The following TBCD variants were observed in gnomAD, a reference collection of about 807,000 sequenced individuals.
TBCD encodes tubulin folding cofactor D, also known as tubulin-specific chaperone D.
Under a neutral mutation model 169.3 loss-of-function variants are expected in TBCD, and 105 were observed. That is an observed-to-expected ratio of 0.62 (90% CI 0.53 to 0.73). The LOEUF (loss-of-function observed/expected upper bound fraction) is 0.73, where lower values mean the gene tolerates loss of function less well. TBCD is among the 30% of genes least tolerant of loss of function. The pLI is 0.00. For missense variants in TBCD, 1,444 were observed against 1,600.1 expected (o/e 0.90, Z 1.66); for synonymous variants, 700 against 643.9 (o/e 1.09, Z -1.32).
chr17:82,931,375 C>T (rs966576972), intron 33 of TBCD, among the ~76,000 whole-genome samples: 3 of 152,354 alleles, frequency 2.0e-5, no homozygotes, highest in South Asian at 2.1e-4. Context: ...CCAGTCAGGA[C>T]GGTGGGCTCC....
intron 9 of TBCD, among the ~76,000 whole-genome samples, chr17:82,804,147 C>T (rs1210217748): frequency 7.4e-6 from 1 of 135,556 alleles, no homozygotes; most frequent in Non-Finnish European, 1.6e-5. Context: ...GTGTGCCTGC[C>T]TGTGGGGTGT....
intron 5 of TBCD, among the ~76,000 whole-genome samples, chr17:82,771,827 G>T (rs1392633815): frequency 6.6e-6 from 1 of 152,080 alleles, no homozygotes; most frequent in Non-Finnish European, 1.5e-5. Flanking sequence ...GGGAGGCTGA[G>T]GCAGGAGAAT....
At position 82,941,843 on chromosome 17, in the gene TBCD, G is replaced by A. The variant is rs1045315916; in HGVS notation, c.3564+360G>A. ...TCATCTGCTTCCCATGAGTGGGGCCGGGGCTGGGTGAGAGGCCCCCAGAAG... is the reference window on the plus strand; with the variant it reads ...TCATCTGCTTCCCATGAGTGGGGCCAGGGCTGGGTGAGAGGCCCCCAGAAG... On this transcript the variant is annotated intron_variant, in intron 38 of 38. Transcript: ENST00000355528. The A allele has an allele frequency of 8.4e-5, 25 of 297,646 alleles. No homozygotes were observed. The East Asian group carries it at 1.1e-3, about 13-fold the overall frequency. 18.4% of individuals were successfully genotyped at this position (297,646 alleles called of 1,614,324 possible).
chr17:82,929,493 A>AGTCGACGGT lies in TBCD; in HGVS notation c.2986_2991+3dup. 1 of 1,606,246 alleles carries AGTCGACGGT rather than the reference A, an allele frequency of 6.2e-7. No individual in the cohort carries two copies. ...GTCGTGTCCCTGGGCGGCTTGACGG[A>AGTCGACGGT]GTCGACGGTGAGGAGGCGTCGGGCT... On this transcript the variant is annotated inframe_insertion, in exon 32 of 39. Coordinates refer to ENST00000355528, the MANE Select transcript of TBCD (RefSeq NM_005993.5).
intron 5 of TBCD, 103 bp downstream of exon 5, chr17:82,768,669 A>G: frequency 7.7e-7 from 1 of 1,301,196 alleles, no homozygotes. Flanking sequence ...TATGTATTCA[A>G]CTGCTGTTTT....
At position 82,831,379 on chromosome 17, in the gene TBCD, G is replaced by A; in HGVS notation, c.1318+16445G>A. ...AGGGTTTAACCTGGAAGGACTCGAGGCTGGATAGACCAGGGTGGCTTCTTC... is the reference window on the plus strand; with the variant it reads ...AGGGTTTAACCTGGAAGGACTCGAGACTGGATAGACCAGGGTGGCTTCTTC... On this transcript the variant is annotated intron_variant, in intron 13 of 38. Transcript: ENST00000355528. The surrounding 1 kb of genome is among the most constrained non-coding windows in gnomAD (Gnocchi z 4.6). 6.2e-7 allele frequency: 1 copy of A among 1,614,196 alleles called. No homozygotes were observed. The highest frequency in any genetic ancestry group is 8.5e-7 in the Non-Finnish European group (1 of 1,180,046).
rs977637915 is a variant in TBCD, at chr17:82,929,135, G to A, written c.2716G>A (p.Val906Met). The A allele has an allele frequency of 1.2e-6, 2 of 1,612,368 alleles. No homozygotes were observed. The highest frequency in any genetic ancestry group is 1.7e-6 in the Non-Finnish European group (2 of 1,179,870). ...AHTCERIMCC[V>M]AQQASEKIDR... Reference sequence around the variant, plus strand: ...CAGCTGTGAGCGCATCATGTGCTGTGTGGCCCAGCAGGCCAGTGAGAAGAT... The same window carrying A: ...CAGCTGTGAGCGCATCATGTGCTGTATGGCCCAGCAGGCCAGTGAGAAGAT... The change falls in exon 31 of 39, where the codon GTG becomes ATG. Residue 906 changes from valine (V) to methionine (M), a missense_variant. Val to Met is a conservative substitution (Grantham distance 21). Transcript: ENST00000355528.
In TBCD at chr17:82,781,741, G is replaced by A; in HGVS notation, c.771+20G>A. The A allele has an allele frequency of 1.2e-6, 2 of 1,610,540 alleles. No individual in the cohort carries two copies. Among genetic ancestry groups the A allele is most frequent in the South Asian group, 2.2e-5 (2 of 91,016 alleles). On this transcript the variant is annotated intron_variant, in intron 7 of 38. Transcript: ENST00000355528. Reference sequence around the variant, plus strand: ...GCCCTGGTAAGTGCTGCCCGCAGGGGCTGTGGAGATCGCAGGGAAATGGCG... The same window carrying A: ...GCCCTGGTAAGTGCTGCCCGCAGGGACTGTGGAGATCGCAGGGAAATGGCG...
chr17:82,839,475 C>T (rs928074077), intron 13 of TBCD, among the ~76,000 whole-genome samples: 1 of 151,156 alleles, frequency 6.6e-6, no homozygotes, highest in Non-Finnish European at 1.5e-5. Context: ...TGTACATACA[C>T]CACACATATA....
rs1448966122 is a variant in TBCD at position 82,920,746 on chromosome 17, T to TA, written c.2101+129dup. 1.1e-6 allele frequency: 1 copy of TA among 891,574 alleles called. No homozygotes were observed. Among genetic ancestry groups the TA allele is most frequent in the Admixed American group, 2.7e-5 (1 of 36,728 alleles). 55.2% of individuals were successfully genotyped at this position (891,574 alleles called of 1,614,324 possible). A position where few individuals can be genotyped will look rare whatever the true frequency, so the allele number is the denominator to read the frequency against. ...TTAAAGGTTCAAGATATTAATCGGA[T>TA]ACGTTGCCTTGAAGTTGTTACAAGA... On this transcript the variant is annotated intron_variant, in intron 24 of 38. Coordinates refer to ENST00000355528, the MANE Select transcript of TBCD (RefSeq NM_005993.5). The surrounding 1 kb of genome is among the most constrained non-coding windows in gnomAD (Gnocchi z 4.1).
intron 11 of TBCD, among the ~76,000 whole-genome samples, chr17:82,808,237 C>A (rs1032105360): frequency 1.3e-5 from 2 of 152,130 alleles, no homozygotes; most frequent in African/African-American, 4.8e-5. Context: ...GACAGCGATA[C>A]ACGTGAAGAA....
chr17:82,811,492 C>T (rs1172300313), intron 12 of TBCD, among the ~76,000 whole-genome samples: 2 of 152,144 alleles, frequency 1.3e-5, no homozygotes, highest in South Asian at 2.1e-4. Context: ...GGTTCTGGGA[C>T]GGGGTGGCCT....
chr17:82,909,360 G>A lies in TBCD; in HGVS notation c.2006+53G>A, dbSNP rs181752587. ...TATCTGTGTCCTAATGAAGAACTGC[G>A]CTGTCAGGAGCAGGCGGGGCGGGTG... is the stretch of plus-strand genomic sequence containing the variant. On this transcript the variant is annotated intron_variant, in intron 22 of 38. Coordinates refer to ENST00000355528, the MANE Select transcript of TBCD (RefSeq NM_005993.5). The A allele has an allele frequency of 4.4e-5, 63 of 1,443,948 alleles. No homozygotes were observed. In the African/African-American group the frequency reaches 5.6e-4, roughly 13 times the overall value. The allele number at this position is 1,443,948 out of a possible 1,614,324, so 89.4% of individuals were successfully genotyped here.
At chr17:82,894,272 T>C (rs1224954452) in intron 17 of TBCD, among the ~76,000 whole-genome samples, 1 of 152,214 alleles carries the variant, frequency 6.6e-6, no homozygotes, top group Non-Finnish European at 1.5e-5. Context: ...ACTTCAGTTA[T>C]CTTAGTTGAT....
At chr17:82,911,364 G>A (rs555438400) in intron 22 of TBCD, among the ~76,000 whole-genome samples, 3 of 151,620 alleles carry the variant, frequency 2.0e-5, no homozygotes, top group South Asian at 2.1e-4. Flanking sequence ...AGAGCAGCCC[G>A]GAGCTCCGCC....
At chr17:82,800,513 G>A (rs1300190788) in intron 8 of TBCD, among the ~76,000 whole-genome samples, 1 of 151,586 alleles carries the variant, frequency 6.6e-6, no homozygotes, top group South Asian at 2.1e-4. Context: ...CAGCATGCCC[G>A]TGGCCTGCGT....
chr17:82,813,783 G>A (rs2051644539), intron 12 of TBCD, among the ~76,000 whole-genome samples: 2 of 152,206 alleles, frequency 1.3e-5, no homozygotes, highest in South Asian at 2.1e-4. Context: ...GACAGTACAC[G>A]TCTGGAACTT....
At chr17:82,843,297 C>G (rs2054693991) in intron 13 of TBCD, among the ~76,000 whole-genome samples, 2 of 118,914 alleles carry the variant, frequency 1.7e-5, no homozygotes, top group South Asian at 2.7e-4. Context: ...CCCTGTCCAG[C>G]TTACTTACCC....
intron 17 of TBCD, among the ~76,000 whole-genome samples, chr17:82,897,696 A>C (rs1449582720): frequency 6.6e-6 from 1 of 152,166 alleles, no homozygotes; most frequent in Non-Finnish European, 1.5e-5. Context: ...TCCCTCCAGG[A>C]GGCGCCATCC....
Sources: gnomAD v4.1 joint callset for allele counts (sites outside exome capture counted in the v4.1 genomes callset) on GRCh38, gnomAD v4.1.1 for gene constraint, Gnocchi (gnomAD v3.1) non-coding constraint, MANE v1.5 for transcripts, NCBI Gene and HGNC (gene_info 2026-07-23, HGNC 2026-07-21) for gene names.